PRPSAP2: variants seen among roughly 807,000 people sequenced by gnomAD.
PRPSAP2 encodes phosphoribosyl pyrophosphate synthetase associated protein 2, also known as phosphoribosyl pyrophosphate synthase-associated protein 2.
In PRPSAP2, 24 loss-of-function variants were observed where a neutral mutation model predicts 40.6. The ratio of observed to expected loss-of-function variants is 0.59; its 90% confidence interval spans 0.43 to 0.83. The LOEUF (loss-of-function observed/expected upper bound fraction) is 0.83, where lower values mean the gene tolerates loss of function less well. PRPSAP2 is among the 40% of genes least tolerant of loss of function. The pLI is 0.00. For synonymous variants in PRPSAP2, 149 were observed against 164.7 expected (o/e 0.90, Z 0.73); for missense variants, 292 against 465.6 (o/e 0.63, Z 3.43).
rs568853287 is a variant in PRPSAP2 at position 18,909,734 on chromosome 17, G to A, written c.585-1369G>A. The stretch of plus-strand genomic sequence containing the variant: ...AGCCTGGCCAACATGACAAAACCCC[G>A]TCTCTACAAAAAATACAAAAATTAG... On this transcript the variant is annotated intron_variant, in intron 8 of 11. Coordinates refer to ENST00000268835, the MANE Select transcript of PRPSAP2 (RefSeq NM_002767.4). Among the ~76,000 whole-genome samples, 172 of 151,444 alleles carry A rather than the reference G, an allele frequency of 1.1e-3. 1 individual carries two copies. The highest frequency in any genetic ancestry group is 4.0e-3 in the African/African-American group (167 of 41,364).
intron 10 of PRPSAP2, among the ~76,000 whole-genome samples, chr17:18,927,926 G>A (rs1489937677): frequency 6.6e-6 from 1 of 151,958 alleles, no homozygotes; most frequent in African/African-American, 2.4e-5. Flanking sequence ...CTACAGGTGC[G>A]TACCTCCATG....
At chr17:18,902,290 A>G (rs903753988) in intron 8 of PRPSAP2, among the ~76,000 whole-genome samples, 4 of 152,168 alleles carry the variant, frequency 2.6e-5, no homozygotes, top group African/African-American at 9.7e-5. Context: ...ATCTGTTCAA[A>G]TGTTTATTGA....
chr17:18,880,050 C>A (rs941527844), intron 6 of PRPSAP2, among the ~76,000 whole-genome samples: 1 of 151,908 alleles, frequency 6.6e-6, no homozygotes, highest in Non-Finnish European at 1.5e-5. Context: ...GAACCAAGAT[C>A]ATGCCGTTGC....
chr17:18,865,927 A>G lies in PRPSAP2; in HGVS notation c.94A>G (p.Met32Val). Residue 32 changes from methionine to valine, a missense_variant, in exon 3 of 12, where the codon ATG (methionine) becomes GTG (valine). Coordinates refer to ENST00000268835, the MANE Select transcript of PRPSAP2 (RefSeq NM_002767.4). ...LFSANSNSSC[M>V]ELSKKIAERL... Reference sequence around the variant, plus strand: ...TTCAGCAAACTCGAATTCATCATGTATGGAGCTATCAAAGAAAATTGCAGA... The same window carrying G: ...TTCAGCAAACTCGAATTCATCATGTGTGGAGCTATCAAAGAAAATTGCAGA... 3 of 1,485,006 alleles carry G rather than the reference A, an allele frequency of 2.0e-6. No individual in the cohort carries two copies. Among genetic ancestry groups the G allele is most frequent in the Admixed American group, 1.9e-5 (1 of 52,618 alleles). 92.0% of individuals were successfully genotyped at this position (1,485,006 alleles called of 1,614,324 possible).
intron 4 of PRPSAP2, 147 bp downstream of exon 4, chr17:18,867,481 G>GTTTTACTT: frequency 1.1e-6 from 1 of 914,420 alleles, no homozygotes. Flanking sequence ...AGAACAGAGT[G>GTTTTACTT]GTTTTTTAGC....
intron 9 of PRPSAP2, among the ~76,000 whole-genome samples, chr17:18,922,305 T>C (rs754760236): frequency 5.3e-5 from 8 of 152,218 alleles, no homozygotes; most frequent in Non-Finnish European, 1.0e-4. Flanking sequence ...CTATACCTGG[T>C]ATCGGAATTG....
chr17:18,870,270 A>G (rs1405234101), intron 4 of PRPSAP2, among the ~76,000 whole-genome samples: 3 of 152,014 alleles, frequency 2.0e-5, no homozygotes, highest in South Asian at 2.1e-4. Flanking sequence ...GCGGTGGCTC[A>G]CTCCTGTAAT....
upstream of PRPSAP2, among the ~76,000 whole-genome samples, chr17:18,857,570 C>T (rs1357016938): frequency 2.2e-5 from 3 of 137,338 alleles, no homozygotes; most frequent in African/African-American, 5.5e-5. Flanking sequence ...CGCACCACCA[C>T]GCCTGGCTAA....
Position 18,890,136 on chromosome 17 carries a change from T to A in PRPSAP2, c.584+259T>A, listed in dbSNP as rs540906507. Among the ~76,000 whole-genome samples, 3 of 151,374 alleles carry A rather than the reference T, an allele frequency of 2.0e-5. No individual in the cohort carries two copies. The South Asian group carries it at 6.2e-4, about 31-fold the overall frequency. ...TAAGTTATCTTCCACTTACACTTTCTTTTATTTTTATTATTATTATTATTT... is the reference window on the plus strand; with the variant it reads ...TAAGTTATCTTCCACTTACACTTTCATTTATTTTTATTATTATTATTATTT... On this transcript the variant is annotated intron_variant, in intron 8 of 11. Transcript: ENST00000268835.
At chr17:18,895,414 C>T (rs1362305631) in intron 8 of PRPSAP2, among the ~76,000 whole-genome samples, 1 of 151,766 alleles carries the variant, frequency 6.6e-6, no homozygotes, top group African/African-American at 2.4e-5. Context: ...ATAAATATTT[C>T]ATTTCTTTGG....
Position 18,918,579 on chromosome 17 carries a change from A to G in PRPSAP2, c.734-5335A>G, listed in dbSNP as rs144293016. Among the ~76,000 whole-genome samples, 880 of 152,334 alleles carry G rather than the reference A, an allele frequency of 5.8e-3. 36 individuals carry two copies. Among genetic ancestry groups the G allele is most frequent in the Admixed American group, 0.05 (758 of 15,298 alleles). On this transcript the variant is annotated intron_variant, in intron 9 of 11. Transcript: ENST00000268835. ...CTCGTGTCCTAGAAGGCAGCCCACA[A>G]AGGCTCTCGATCCGGGCCATTTAGT...
intron 11 of PRPSAP2, 51 bp downstream of exon 11, chr17:18,929,008 T>A: frequency 1.3e-6 from 2 of 1,574,602 alleles, no homozygotes; most frequent in Non-Finnish European, 1.7e-6. Context: ...TTTTGGCACA[T>A]CTTGATCTTT....
intron 8 of PRPSAP2, among the ~76,000 whole-genome samples, chr17:18,909,988 C>A (rs958155204): frequency 6.6e-6 from 1 of 152,250 alleles, no homozygotes; most frequent in African/African-American, 2.4e-5. Context: ...AAACTAGAAA[C>A]AACCGGAAAG....
upstream of PRPSAP2, among the ~76,000 whole-genome samples, chr17:18,856,966 C>T (rs1224762016): frequency 1.3e-5 from 2 of 152,044 alleles, no homozygotes; most frequent in Non-Finnish European, 2.9e-5. Flanking sequence ...TTATAAAGAA[C>T]TTAGGCAATG....
intron 4 of PRPSAP2, among the ~76,000 whole-genome samples, chr17:18,872,267 C>T (rs574517196): frequency 4.1e-5 from 6 of 145,578 alleles, no homozygotes; most frequent in South Asian, 2.2e-4. Context: ...AGCAAGACTC[C>T]GTCTCAAAAA....
chr17:18,883,846 TACAGG>T (rs2038941243), intron 7 of PRPSAP2, among the ~76,000 whole-genome samples: 3 of 152,216 alleles, frequency 2.0e-5, no homozygotes, highest in African/African-American at 7.2e-5. Context: ...CTGGTAAGAA[TACAGG>T]GCTTCCCCAT....
At chr17:18,871,180 C>T (rs1166682145) in intron 4 of PRPSAP2, among the ~76,000 whole-genome samples, 1 of 151,886 alleles carries the variant, frequency 6.6e-6, no homozygotes, top group Non-Finnish European at 1.5e-5. Context: ...CCACCAAGCC[C>T]AGCTAATGTT....
intron 8 of PRPSAP2, among the ~76,000 whole-genome samples, chr17:18,900,787 AG>A (rs779435645): frequency 3.9e-5 from 6 of 152,154 alleles, no homozygotes; most frequent in African/African-American, 7.2e-5. Flanking sequence ...GCTGACGCCA[AG>A]GAAAAGTAGC....
chr17:18,906,952 A>G (rs912656136), intron 8 of PRPSAP2, among the ~76,000 whole-genome samples: 5 of 151,966 alleles, frequency 3.3e-5, no homozygotes, highest in African/African-American at 4.8e-5. Flanking sequence ...ACAGCTCATA[A>G]GAGTCTACAT....
Sources: allele counts gnomAD v4.1 joint callset (sites outside exome capture counted in the v4.1 genomes callset), GRCh38; gene constraint gnomAD v4.1.1; transcripts MANE v1.5; gene names NCBI Gene and HGNC (gene_info 2026-07-23, HGNC 2026-07-21).